Variants in MAGI2 observed in about 807,000 individuals in gnomAD.
MAGI2 encodes the protein membrane-associated guanylate kinase, WW and PDZ domain-containing protein 2.
In MAGI2, 35 loss-of-function variants were observed where a neutral mutation model predicts 133.3. The ratio of observed to expected loss-of-function variants is 0.26; its 90% CI spans 0.20 to 0.35. MAGI2 has a LOEUF of 0.35. Ranked by LOEUF, MAGI2 falls within the 10% of genes least tolerant of loss-of-function variation. The pLI is 1.00. For synonymous variants in MAGI2, 729 were observed against 710.6 expected (o/e 1.03, Z -0.41); for missense variants, 1,636 against 1,863.4 (o/e 0.88, Z 2.25).
intron 1 of MAGI2, among the ~76,000 whole-genome samples, chr7:79,262,860 C>T (rs993597812): frequency 2.0e-5 from 3 of 152,204 alleles, no homozygotes; most frequent in Non-Finnish European, 4.4e-5. Flanking sequence ...ATCACACTAA[C>T]ATGCTAGTAT....
At chr7:79,174,248 CTATT>C (rs1825883545) in intron 1 of MAGI2, among the ~76,000 whole-genome samples, 1 of 151,866 alleles carries the variant, frequency 6.6e-6, no homozygotes, top group Non-Finnish European at 1.5e-5. Flanking sequence ...AAAGAATCAT[CTATT>C]TATATCCTTG....
chr7:78,298,810 G>GTTTTTTTTTTTTTTTTTTTTTTTTTTTT, intron 9 of MAGI2, among the ~76,000 whole-genome samples: 1 of 79,606 alleles, frequency 1.3e-5, no homozygotes, highest in Non-Finnish European at 2.1e-5. Context: ...TGGCCTAAAC[G>GTTTTTTTTTTTTTTTTTTTTTTTTTTTT]TTTTTTTTTT....
intron 2 of MAGI2, among the ~76,000 whole-genome samples, chr7:78,795,439 G>T (rs1050219368): frequency 2.6e-5 from 4 of 151,862 alleles, no homozygotes; most frequent in Admixed American, 2.0e-4. Context: ...AAGAAATCAA[G>T]AAAGTAATTC....
intron 21 of MAGI2, among the ~76,000 whole-genome samples, chr7:78,027,049 C>G (rs1046236771): frequency 2.3e-4 from 35 of 152,240 alleles, no homozygotes; most frequent in Admixed American, 7.8e-4. Context: ...TTGTTCAAGG[C>G]CACACAGCTG....
At position 78,207,977 on chromosome 7, in the gene MAGI2, T is replaced by C. The variant is rs1787276832; in HGVS notation, c.2048-6784A>G. On this transcript the variant is annotated intron_variant, in intron 10 of 21. Coordinates refer to ENST00000354212, the MANE Select transcript of MAGI2 (RefSeq NM_012301.4). ...CCTCCGCCTCCCAGGTTCAAGCAGT[T>C]CTCTGCCTCAGCCTCCCAAGTAGCT... Among the ~76,000 whole-genome samples, 3 of 151,982 alleles carry C rather than the reference T, an allele frequency of 2.0e-5. No individual in the cohort carries two copies. In the South Asian group the frequency reaches 6.2e-4, roughly 32 times the overall value.
At chr7:78,360,861 A>T (rs1021513144) in intron 7 of MAGI2, among the ~76,000 whole-genome samples, 3 of 152,172 alleles carry the variant, frequency 2.0e-5, no homozygotes, top group Admixed American at 6.5e-5. Flanking sequence ...TATAAAAATG[A>T]TGGAGTAGAA....
chr7:78,583,906 T>C (rs10269564), intron 3 of MAGI2, among the ~76,000 whole-genome samples: 15,944 of 152,160 alleles, frequency 0.1, 1,848 homozygotes, highest in East Asian at 0.53. Flanking sequence ...GGAAGCCAAA[T>C]GGAGACAATT....
At position 78,024,210 on chromosome 7, in the gene MAGI2, A is replaced by C. The variant is rs570377212; in HGVS notation, c.3707-4234T>G. On this transcript the variant is annotated intron_variant, in intron 21 of 21. Transcript: ENST00000354212. ...GCAGTTTCTCCTCAATTTACTTTGC[A>C]GATTCCTCTTATTTTACCTGACTTC... Among the ~76,000 whole-genome samples the C allele has an allele frequency of 2.0e-5, 3 of 152,266 alleles. No homozygotes were observed. In the East Asian group the frequency reaches 5.8e-4, roughly 29 times the overall value.
chr7:78,653,101 G>A (rs534206506), intron 2 of MAGI2, among the ~76,000 whole-genome samples: 3 of 152,304 alleles, frequency 2.0e-5, no homozygotes, highest in South Asian at 4.1e-4. Context: ...TCTCATGCCC[G>A]TTAGAATGGC....
intron 2 of MAGI2, among the ~76,000 whole-genome samples, chr7:78,713,530 T>G (rs1819409272): frequency 6.6e-6 from 1 of 152,136 alleles, no homozygotes. Flanking sequence ...ACAGACTCAG[T>G]CTTACAGAAT....
At chr7:78,205,732 C>A (rs528711904) in intron 10 of MAGI2, among the ~76,000 whole-genome samples, 1 of 152,110 alleles carries the variant, frequency 6.6e-6, no homozygotes, top group East Asian at 1.9e-4. Flanking sequence ...TCCCTGGTAA[C>A]CATTTTAAAA....
At chr7:78,558,023 CT>C (rs1169276865) in intron 3 of MAGI2, among the ~76,000 whole-genome samples, 1 of 151,680 alleles carries the variant, frequency 6.6e-6, no homozygotes, top group African/African-American at 2.4e-5. Context: ...CTAAATTCTC[CT>C]ACTTAAATAT....
chr7:78,506,106 G>A (rs1307288787), intron 4 of MAGI2, among the ~76,000 whole-genome samples: 4 of 152,154 alleles, frequency 2.6e-5, no homozygotes, highest in African/African-American at 9.7e-5. Flanking sequence ...ATTTGAGGGT[G>A]GCAAGAGTAG....
chr7:78,024,361 G>A (rs1339384415), intron 21 of MAGI2, among the ~76,000 whole-genome samples: 1 of 152,238 alleles, frequency 6.6e-6, no homozygotes, highest in South Asian at 2.1e-4. Flanking sequence ...CTGTACACTG[G>A]TATATCCATC....
chr7:79,277,302 G>A (rs1585405944), intron 1 of MAGI2, among the ~76,000 whole-genome samples: 1 of 152,164 alleles, frequency 6.6e-6, no homozygotes. Flanking sequence ...GCCTATTTTA[G>A]CAATAAAATT....
At chr7:79,051,961 C>T (rs902690031) in intron 1 of MAGI2, among the ~76,000 whole-genome samples, 4 of 151,674 alleles carry the variant, frequency 2.6e-5, no homozygotes, top group Non-Finnish European at 5.9e-5. Flanking sequence ...TTTTGTAGGC[C>T]TTTGGAAAAC....
intron 2 of MAGI2, among the ~76,000 whole-genome samples, chr7:78,721,457 A>T (rs1585191966): frequency 6.6e-6 from 1 of 152,026 alleles, no homozygotes; most frequent in Non-Finnish European, 1.5e-5. Flanking sequence ...TATGTATGAC[A>T]TATGTGGGTT....
intron 1 of MAGI2, among the ~76,000 whole-genome samples, chr7:79,192,532 C>A (rs1233642225): frequency 1.3e-5 from 2 of 151,796 alleles, no homozygotes; most frequent in Admixed American, 6.6e-5. Context: ...GAGACTCTCA[C>A]TTACATAAAG....
intron 5 of MAGI2, among the ~76,000 whole-genome samples, chr7:78,497,201 A>G (rs1794168451): frequency 6.6e-6 from 1 of 152,206 alleles, no homozygotes; most frequent in African/African-American, 2.4e-5. Flanking sequence ...GGTTTTACAC[A>G]GTATTATACA....
Sources: gnomAD v4.1 joint callset for allele counts (sites outside exome capture counted in the v4.1 genomes callset) on GRCh38, gnomAD v4.1.1 for gene constraint, MANE v1.5 for transcripts, NCBI Gene and HGNC (gene_info 2026-07-23, HGNC 2026-07-21) for gene names.